FKBP15: variants seen among roughly 807,000 people sequenced by gnomAD.
FKBP15 encodes FK506-binding protein 15.
Under a neutral mutation model 158.1 loss-of-function variants are expected in FKBP15, and 106 were observed. That is an observed-to-expected ratio of 0.67 (90% confidence interval 0.57 to 0.79). FKBP15 has a LOEUF of 0.79. Ranked by LOEUF, FKBP15 falls within the 30% of genes least tolerant of loss-of-function variation. FKBP15 has a pLI of 0.00. For synonymous variants in FKBP15, 547 were observed against 548.6 expected, an observed-to-expected ratio of 1.00 and a Z score of 0.04; for missense variants, 1,287 against 1,479.1, an observed-to-expected ratio of 0.87 and a Z score of 2.13.
rs1830250239 is a variant in FKBP15, at chr9:113,173,517, T to C, written c.2468A>G (p.Gln823Arg). The stretch of plus-strand genomic sequence containing the variant: ...TCTCTGTGCGCACACCTCCTGGTAC[T>C]GCTGCAGGTGCTCATCCTTGGCGGA... ...LASAKDEHLQ[Q>R]YQEVCAQRDA... The change falls in exon 23 of 28, where the codon CAG becomes CGG. Residue 823 changes from glutamine to arginine, a missense_variant. Gln to Arg is a conservative substitution (Grantham distance 43). Coordinates refer to ENST00000238256, the MANE Select transcript of FKBP15 (RefSeq NM_015258.2). The C allele has an allele frequency of 6.2e-7, 1 of 1,613,916 alleles. No homozygotes were observed. The highest frequency in any genetic ancestry group is 8.5e-7 in the Non-Finnish European group (1 of 1,179,886).
At position 113,161,676 on chromosome 9, in the gene FKBP15, CCT is replaced by C. The variant is rs1471645488; in HGVS notation, c.*4400_*4401del. The C allele has an allele frequency of 2.5e-6, 4 of 1,613,962 alleles. No homozygotes were observed. The highest frequency in any genetic ancestry group is 3.4e-6 in the Non-Finnish European group (4 of 1,179,884). On this transcript the variant is annotated 3_prime_UTR_variant, in exon 28 of 28. Coordinates refer to ENST00000238256, the MANE Select transcript of FKBP15 (RefSeq NM_015258.2). ...GGACTCTGCAGGCTCAGATTCATTC[CCT>C]GTTGGCAGAACCCACCACAGGTACA...
rs772761623 is a variant in FKBP15 at position 113,178,634 on chromosome 9, G to A, written c.2082C>T (p.Leu694=). 3.1e-6 allele frequency: 5 copies of A among 1,608,418 alleles called. No homozygotes were observed. The highest frequency in any genetic ancestry group is 4.2e-6 in the Non-Finnish European group (5 of 1,177,826). Residue 694 remains leucine, a synonymous_variant, in exon 20 of 28, where the codon CTC becomes CTT. Coordinates refer to ENST00000238256, the MANE Select transcript of FKBP15 (RefSeq NM_015258.2). The part of the protein sequence containing the change: ...RGQLTKVQAK[L]SELQETSEQA... ...CATCCCCCACCTAGCACATACCTGA[G>A]AGCTTTGCCTGCACTTTGGTGAGCT...
intron 6 of FKBP15, among the ~76,000 whole-genome samples, chr9:113,201,973 ATTTT>A (rs551583247): frequency 6.6e-6 from 1 of 152,082 alleles, no homozygotes; most frequent in Non-Finnish European, 1.5e-5. Flanking sequence ...ACTATGAGTG[ATTTT>A]TTTTAATGCT....
Position 113,171,727 on chromosome 9 carries a change from G to A in FKBP15, c.2533-21C>T, listed in dbSNP as rs80006908. The A allele has an allele frequency of 5.0e-4, 719 of 1,446,352 alleles. 4 individuals carry two copies. The African/African-American group carries it at 0.012, about 24-fold the overall frequency. The allele number at this position is 1,446,352 out of a possible 1,614,324, so 89.6% of individuals were successfully genotyped here. The stretch of plus-strand genomic sequence containing the variant: ...AAACACTGCAAAACAAACAGACTGT[G>A]GCTGTGGCCTCAGGAACCAGGTGAA... On this transcript the variant is annotated intron_variant, in intron 23 of 27. Coordinates refer to ENST00000238256, the MANE Select transcript of FKBP15 (RefSeq NM_015258.2).
At chr9:113,221,130 T>C (rs1587983218) in intron 1 of FKBP15, 61 bp downstream of exon 1, 2 of 1,527,928 alleles carry the variant, frequency 1.3e-6, no homozygotes, top group Non-Finnish European at 1.8e-6. Context: ...TCGACCCCCC[T>C]CCAACAATCC....
chr9:113,208,758 GCA>G (rs10553107), intron 2 of FKBP15, among the ~76,000 whole-genome samples: 25,380 of 151,920 alleles, frequency 0.17, 2,286 homozygotes, highest in Non-Finnish European at 0.19. Context: ...GGTAATCCCA[GCA>G]CTTTGGGAAA....
chr9:113,192,379 G>C (rs556137122), intron 11 of FKBP15, among the ~76,000 whole-genome samples: 1 of 152,192 alleles, frequency 6.6e-6, no homozygotes, highest in African/African-American at 2.4e-5. Context: ...GAAGGCCACA[G>C]GGCTTTAGAA....
rs542071189 is a variant in FKBP15 at position 113,175,865 on chromosome 9, T to A, written c.2223+672A>T. Among the ~76,000 whole-genome samples, 4 of 152,290 alleles carry A rather than the reference T, an allele frequency of 2.6e-5. No homozygotes were observed. In the South Asian group the frequency reaches 8.3e-4, roughly 32 times the overall value. ...AATGAAGATTAGAAAAAGTGATATATGTAGAGTGGGGAAGAATGTGACAAA... is the reference window on the plus strand; with the variant it reads ...AATGAAGATTAGAAAAAGTGATATAAGTAGAGTGGGGAAGAATGTGACAAA... On this transcript the variant is annotated intron_variant, in intron 21 of 27. Coordinates refer to ENST00000238256, the MANE Select transcript of FKBP15 (RefSeq NM_015258.2).
Position 113,217,385 on chromosome 9 carries a change from G to C in FKBP15, c.53+3806C>G, listed in dbSNP as rs549054814. 3.4e-5 allele frequency among the ~76,000 whole-genome samples: 5 copies of C among 148,844 alleles called. No homozygotes were observed. In the East Asian group the frequency reaches 8.0e-4, roughly 24 times the overall value. On this transcript the variant is annotated intron_variant, in intron 1 of 27. Transcript: ENST00000238256. The stretch of plus-strand genomic sequence containing the variant: ...CTGCCACCACACCCAGTTAATTTTT[G>C]TATGTTTGTAGAGACGGGGTTTCAT...
rs962852648 is a variant in FKBP15 at position 113,174,533 on chromosome 9, C to T, written c.2274G>A (p.Glu758=). The part of the protein sequence containing the change: ...KKSAQERSQA[E]EEIDEIRKSY... ...ACTTGCGAATTTCATCTATCTCCTC[C>T]TCGGCCTGAGAACGCTCTTGAGCTG... Residue 758 remains glutamate (E), a synonymous_variant, in exon 22 of 28, where the codon GAG becomes GAA. Coordinates refer to ENST00000238256, the MANE Select transcript of FKBP15 (RefSeq NM_015258.2). 5.6e-6 allele frequency: 9 copies of T among 1,613,896 alleles called. No homozygotes were observed. The African/African-American group carries it at 1.2e-4, about 22-fold the overall frequency.
At chr9:113,196,177 A>G (rs1180180984) in intron 9 of FKBP15, among the ~76,000 whole-genome samples, 2 of 152,140 alleles carry the variant, frequency 1.3e-5, no homozygotes, top group Admixed American at 6.5e-5. Context: ...AATGATGGAC[A>G]TTTAGGTTGT....
chr9:113,168,419 G>C, intron 27 of FKBP15, 41 bp downstream of exon 27: 1 of 1,545,776 alleles, frequency 6.5e-7, no homozygotes, highest in Non-Finnish European at 8.9e-7. Context: ...GAGCCCCCAG[G>C]TGGGTGTGTG....
chr9:113,161,535 C>T lies in FKBP15; in HGVS notation c.*4543G>A, dbSNP rs902582559. ...CATGGCCCTTTCGGTGTTGGTGCTCCTGCTTCTGGCTGTACTGTATGAAGG... is the reference window on the plus strand; with the variant it reads ...CATGGCCCTTTCGGTGTTGGTGCTCTTGCTTCTGGCTGTACTGTATGAAGG... On this transcript the variant is annotated 3_prime_UTR_variant, in exon 28 of 28. Transcript: ENST00000238256. 1 of 1,614,022 alleles carries T rather than the reference C, an allele frequency of 6.2e-7. No homozygotes were observed. The highest frequency in any genetic ancestry group is 8.5e-7 in the Non-Finnish European group (1 of 1,179,900).
At chr9:113,207,689 T>C (rs1362686986) in intron 2 of FKBP15, among the ~76,000 whole-genome samples, 2 of 152,158 alleles carry the variant, frequency 1.3e-5, no homozygotes, top group Non-Finnish European at 2.9e-5. Context: ...CTTTATAATT[T>C]ACAGTCAGTG....
chr9:113,189,149 A>G (rs560800106), intron 12 of FKBP15, among the ~76,000 whole-genome samples: 27 of 152,374 alleles, frequency 1.8e-4, no homozygotes, highest in Admixed American at 4.6e-4. Flanking sequence ...CTGCTATGCT[A>G]TAGTTCAAAG....
intron 2 of FKBP15, among the ~76,000 whole-genome samples, chr9:113,207,648 T>C (rs1465570597): frequency 6.6e-6 from 1 of 152,190 alleles, no homozygotes; most frequent in Non-Finnish European, 1.5e-5. Flanking sequence ...TTAAACTAAT[T>C]TTTAACCACT....
chr9:113,211,101 A>G (rs1273546613), intron 2 of FKBP15, among the ~76,000 whole-genome samples: 1 of 152,106 alleles, frequency 6.6e-6, no homozygotes, highest in Non-Finnish European at 1.5e-5. Flanking sequence ...TCACTTTCAC[A>G]CATACGTATA....
At chr9:113,215,980 TACCAAA>T (rs1241336805) in intron 1 of FKBP15, among the ~76,000 whole-genome samples, 1 of 148,860 alleles carries the variant, frequency 6.7e-6, no homozygotes, top group African/African-American at 2.5e-5. Flanking sequence ...TTAAGAGAAT[TACCAAA>T]ATGTGACACG....
chr9:113,176,397 G>T, intron 21 of FKBP15, 140 bp downstream of exon 21: 2 of 931,900 alleles, frequency 2.1e-6, no homozygotes, highest in Non-Finnish European at 3.1e-6. Flanking sequence ...GATTAGAGCG[G>T]GGAAAATTTT....
Sources: allele counts gnomAD v4.1 joint callset (sites outside exome capture counted in the v4.1 genomes callset), GRCh38; gene constraint gnomAD v4.1.1; transcripts MANE v1.5; gene names NCBI Gene and HGNC (gene_info 2026-07-23, HGNC 2026-07-21).